The following LVRN variants were observed in gnomAD, a reference collection of about 807,000 sequenced individuals.
LVRN encodes the protein aminopeptidase Q.
Under a neutral mutation model 111.4 loss-of-function variants are expected in LVRN, and 99 were observed. The ratio of observed to expected loss-of-function variants is 0.89; its 90% confidence interval spans 0.76 to 1.05. The LOEUF (loss-of-function observed/expected upper bound fraction) is 1.05, where lower values mean the gene tolerates loss of function less well. Among genes scored for constraint, LVRN ranks in the 50% least tolerant of loss-of-function variants. The probability of loss-of-function intolerance (pLI) is 0.00; values close to 1 mark genes in which losing one functional copy is unlikely to be tolerated. For synonymous variants in LVRN, 488 were observed against 449.5 expected (o/e 1.09, Z -1.08); for missense variants, 1,414 against 1,206.8 (o/e 1.17, Z -2.54).
intron 1 of LVRN, chr5:115,974,833 A>G (rs1305028036): frequency 6.2e-6 from 2 of 323,800 alleles, no homozygotes; most frequent in Admixed American, 3.5e-5. Flanking sequence ...ATTAATATTC[A>G]CTTGACTTAT....
chr5:115,992,374 C>T (rs1251070721), intron 5 of LVRN, 97 bp downstream of exon 5: 1 of 1,346,518 alleles, frequency 7.4e-7, no homozygotes, highest in Non-Finnish European at 1.0e-6. Context: ...TGCCATATAC[C>T]ATATTTTAAA....
At chr5:116,015,825 A>C in intron 18 of LVRN, 60 bp downstream of exon 18, 19 of 1,589,852 alleles carry the variant, frequency 1.2e-5, no homozygotes, top group Non-Finnish European at 1.5e-5. Context: ...CTGGAAGCTC[A>C]GCTTTAGTCT....
At chr5:116,019,356 G>A (rs1417922204) in intron 18 of LVRN, among the ~76,000 whole-genome samples, 1 of 152,136 alleles carries the variant, frequency 6.6e-6, no homozygotes, top group Non-Finnish European at 1.5e-5. Context: ...ATTGTTGACT[G>A]AAACATTGTT....
At chr5:116,018,073 C>A (rs1032536768) in intron 18 of LVRN, among the ~76,000 whole-genome samples, 4 of 151,656 alleles carry the variant, frequency 2.6e-5, no homozygotes, top group African/African-American at 9.7e-5. Flanking sequence ...CCAGCCTGGG[C>A]AATATAGAAA....
chr5:116,005,953 C>G lies in LVRN; in HGVS notation c.2079C>G (p.Ala693=), dbSNP rs544426361. The change falls in exon 13 of 20, where the codon GCC becomes GCG. Residue 693 remains alanine (A), a synonymous_variant. Coordinates refer to ENST00000357872, the MANE Select transcript of LVRN (RefSeq NM_173800.5). ...VIHRLQLIDD[A]FSLSKNNYIE... ...ACAGACTGCAGTTGATTGATGATGC[C>G]TTTTCCTTGTCTAAGTGAGTATATT... 5 of 1,592,374 alleles carry G rather than the reference C, an allele frequency of 3.1e-6. No individual in the cohort carries two copies. The African/African-American group carries it at 5.4e-5, about 17-fold the overall frequency.
chr5:116,026,318 G>T lies in LVRN; in HGVS notation c.*200G>T. ...GATTGCTGACAATTTTGCCAATGCTGCTGTATTTCTGGGAAAGATGTCACT... is the reference window on the plus strand; with the variant it reads ...GATTGCTGACAATTTTGCCAATGCTTCTGTATTTCTGGGAAAGATGTCACT... On this transcript the variant is annotated 3_prime_UTR_variant, in exon 20 of 20. Transcript: ENST00000357872. The T allele has an allele frequency of 1.5e-6, 1 of 661,768 alleles. No homozygotes were observed. Among genetic ancestry groups the T allele is most frequent in the South Asian group, 2.0e-5 (1 of 50,808 alleles). The allele number at this position is 661,768 out of a possible 1,614,324, so 41.0% of individuals were successfully genotyped here. A position where few individuals can be genotyped will look rare whatever the true frequency, so the allele number is the denominator to read the frequency against.
chr5:116,024,230 T>C (rs1748815988), intron 19 of LVRN, among the ~76,000 whole-genome samples: 1 of 152,120 alleles, frequency 6.6e-6, no homozygotes, highest in Admixed American at 6.5e-5. Flanking sequence ...TGTACATAAA[T>C]TAAATCCCGA....
Position 116,015,404 on chromosome 5 carries a change from C to G in LVRN, c.2603C>G (p.Pro868Arg), listed in dbSNP as rs1748580964. The G allele has an allele frequency of 4.5e-6, 7 of 1,540,088 alleles. No individual in the cohort carries two copies. The highest frequency in any genetic ancestry group is 6.1e-6 in the Non-Finnish European group (7 of 1,143,300). The change falls in exon 17 of 20, where the codon CCA becomes CGA. Residue 868 changes from proline (P) to arginine (R), a missense_variant. Pro to Arg is a moderately radical substitution (Grantham distance 103). Coordinates refer to ENST00000357872, the MANE Select transcript of LVRN (RefSeq NM_173800.5). The part of the protein sequence containing the change: ...LAYAMSCSKD[P>R]WILNRYMEYA... Reference sequence around the variant, plus strand: ...TATGCAATGAGCTGCAGCAAAGACCCATGGATACTTAACAGGTGATTATGG... The same window carrying G: ...TATGCAATGAGCTGCAGCAAAGACCGATGGATACTTAACAGGTGATTATGG...
At position 115,963,009 on chromosome 5, in the gene LVRN, T is replaced by C; in HGVS notation, c.392T>C (p.Val131Ala). 3 of 1,613,634 alleles carry C rather than the reference T, an allele frequency of 1.9e-6. No homozygotes were observed. Among genetic ancestry groups the C allele is most frequent in the Non-Finnish European group, 2.5e-6 (3 of 1,179,916 alleles). The change falls in exon 1 of 20, where the codon GTG (valine) becomes GCG (alanine). Residue 131 changes from valine (V) to alanine (A), a missense_variant. Transcript: ENST00000357872. ...PAGSLPFTGR[V>A]NITVRCTVAT... ...GGGTCTTTGCCCTTCACTGGCCGCG[T>C]GAACATCACGGTGCGCTGCACGGTG... is the stretch of plus-strand genomic sequence containing the variant.
chr5:115,963,987 G>A (rs545315846), intron 1 of LVRN, among the ~76,000 whole-genome samples: 108 of 152,272 alleles, frequency 7.1e-4, no homozygotes, highest in African/African-American at 2.6e-3. Context: ...GCCAGCAGCA[G>A]CTGTAACCTG....
In LVRN at chr5:115,963,123, C is replaced by A. The variant is rs1351311351; in HGVS notation, c.506C>A (p.Ala169Asp). 6.2e-7 allele frequency: 1 copy of A among 1,613,536 alleles called. No homozygotes were observed. Among genetic ancestry groups the A allele is most frequent in the Non-Finnish European group, 8.5e-7 (1 of 1,179,940 alleles). ...RGPLSPGTGN[A>D]TVGRVPVDDV... ...CCCCTTTCCCCGGGCACTGGGAACG[C>A]CACAGTGGGCCGCGTGCCCGTGGAC... The change falls in exon 1 of 20, where the codon GCC (alanine) becomes GAC (aspartate). Residue 169 changes from alanine to aspartate, a missense_variant. Physicochemically the swap from Ala to Asp is moderately radical, Grantham distance 126. Coordinates refer to ENST00000357872, the MANE Select transcript of LVRN (RefSeq NM_173800.5).
intron 1 of LVRN, among the ~76,000 whole-genome samples, chr5:115,969,859 T>C (rs1191702464): frequency 6.6e-6 from 1 of 151,752 alleles, no homozygotes; most frequent in East Asian, 1.9e-4. Flanking sequence ...CATTCTTATA[T>C]CTTTCATACC....
chr5:116,015,193 T>G, intron 16 of LVRN, 59 bp from the exon 17 acceptor site: 1 of 846,474 alleles, frequency 1.2e-6, no homozygotes. Flanking sequence ...TTCTAAAATA[T>G]GATAACCTGG....
intron 14 of LVRN, among the ~76,000 whole-genome samples, chr5:116,011,190 G>GTTTTT (rs34031653): frequency 2.8e-5 from 4 of 144,044 alleles, no homozygotes; most frequent in East Asian, 2.0e-4. Flanking sequence ...TGGTATGCCT[G>GTTTTT]TTTTTTTTTT....
intron 14 of LVRN, among the ~76,000 whole-genome samples, chr5:116,011,412 C>CAG (rs1748487066): frequency 1.3e-5 from 2 of 151,398 alleles, no homozygotes; most frequent in South Asian, 2.1e-4. Context: ...AATTACTGAA[C>CAG]AGAGAAATGA....
At chr5:115,995,745 A>T (rs930573646) in intron 6 of LVRN, among the ~76,000 whole-genome samples, 1 of 152,186 alleles carries the variant, frequency 6.6e-6, no homozygotes, top group African/African-American at 2.4e-5. Flanking sequence ...AACCAACCAT[A>T]TGAGTGCTGT....
At chr5:115,995,190 C>CT (rs1748079505) in intron 6 of LVRN, among the ~76,000 whole-genome samples, 1 of 152,088 alleles carries the variant, frequency 6.6e-6, no homozygotes, top group African/African-American at 2.4e-5. Context: ...GTAAGCTTTC[C>CT]TTTTTTTATG....
intron 9 of LVRN, 51 bp downstream of exon 9, chr5:116,000,709 C>T (rs762826252): frequency 6.3e-7 from 1 of 1,578,614 alleles, no homozygotes; most frequent in South Asian, 1.1e-5. Flanking sequence ...TTGTATGATA[C>T]AGGAAAAGAC....
intron 3 of LVRN, 116 bp downstream of exon 3, chr5:115,984,825 T>C (rs1275463397): frequency 2.9e-6 from 4 of 1,392,996 alleles, no homozygotes; most frequent in Admixed American, 2.4e-5. Context: ...CCTAGTTCTC[T>C]CTCCCAAGCC....
Sources: allele counts gnomAD v4.1 joint callset (sites outside exome capture counted in the v4.1 genomes callset), GRCh38; gene constraint gnomAD v4.1.1; transcripts MANE v1.5; gene names NCBI Gene and HGNC (gene_info 2026-07-23, HGNC 2026-07-21).